SIPA1L1: variants seen among roughly 807,000 people sequenced by gnomAD.
SIPA1L1 encodes the protein signal-induced proliferation-associated 1-like protein 1.
A neutral mutation model predicts 162.7 loss-of-function variants in SIPA1L1; 26 were observed. The ratio of observed to expected loss-of-function variants is 0.16; its 90% CI spans 0.12 to 0.22. The LOEUF (loss-of-function observed/expected upper bound fraction) is 0.22. SIPA1L1 is among the 10% of genes least tolerant of loss of function. The probability of loss-of-function intolerance (pLI) is 1.00; values close to 1 mark genes in which losing one functional copy is unlikely to be tolerated. For synonymous variants in SIPA1L1, 829 were observed against 837.4 expected (o/e 0.99, Z 0.17); for missense variants, 1,874 against 2,241.0 (o/e 0.84, Z 3.31).
intron 2 of SIPA1L1, among the ~76,000 whole-genome samples, chr14:71,331,436 G>A (rs2034530298): frequency 6.6e-6 from 1 of 152,248 alleles, no homozygotes; most frequent in African/African-American, 2.4e-5. Context: ...AGAGAATGAG[G>A]TAAGATGATT....
intron 2 of SIPA1L1, among the ~76,000 whole-genome samples, chr14:71,375,781 C>T (rs935655757): frequency 6.6e-6 from 1 of 152,088 alleles, no homozygotes; most frequent in African/African-American, 2.4e-5. Context: ...TCATGAATGT[C>T]TATTGGATTT....
intron 8 of SIPA1L1, among the ~76,000 whole-genome samples, chr14:71,652,152 AG>A (rs2042675583): frequency 6.6e-6 from 1 of 152,192 alleles, no homozygotes; most frequent in African/African-American, 2.4e-5. Context: ...GCCCCAAAGA[AG>A]ACAGTACGCA....
At chr14:71,323,599 A>G (rs1018140235) in intron 2 of SIPA1L1, among the ~76,000 whole-genome samples, 41 of 152,336 alleles carry the variant, frequency 2.7e-4, no homozygotes, top group African/African-American at 8.9e-4. Context: ...ACTCATTCCC[A>G]TAATAAAGAA....
At chr14:71,546,686 A>G (rs2055242597) in intron 4 of SIPA1L1, among the ~76,000 whole-genome samples, 1 of 152,162 alleles carries the variant, frequency 6.6e-6, no homozygotes, top group Admixed American at 6.5e-5. Flanking sequence ...ATTCTTATTT[A>G]TCAAATATTT....
At chr14:71,420,155 A>G (rs933131647) in intron 2 of SIPA1L1, among the ~76,000 whole-genome samples, 5 of 152,252 alleles carry the variant, frequency 3.3e-5, no homozygotes, top group Non-Finnish European at 7.3e-5. Flanking sequence ...TCTATTATGT[A>G]GAGAACATTT....
At chr14:71,381,397 C>T (rs1341791989) in intron 2 of SIPA1L1, among the ~76,000 whole-genome samples, 1 of 152,008 alleles carries the variant, frequency 6.6e-6, no homozygotes, top group Non-Finnish European at 1.5e-5. Flanking sequence ...TCACCCCGCC[C>T]TTCATATTCG....
intron 4 of SIPA1L1, among the ~76,000 whole-genome samples, chr14:71,551,370 T>C (rs987958370): frequency 6.6e-6 from 1 of 152,238 alleles, no homozygotes; most frequent in Non-Finnish European, 1.5e-5. Context: ...TCCCTATTTA[T>C]AGTCCTTAAA....
chr14:71,507,213 A>G lies in SIPA1L1; in HGVS notation c.-464-5530A>G, dbSNP rs150766133. Among the ~76,000 whole-genome samples the G allele has an allele frequency of 5.4e-4, 83 of 152,312 alleles. No homozygotes were observed. In the East Asian group the frequency reaches 0.016, roughly 29 times the overall value. On this transcript the variant is annotated intron_variant, in intron 2 of 23. Coordinates refer to ENST00000381232, the MANE Select transcript of SIPA1L1 (RefSeq NM_001386936.1). ...CTTTATTAACTGATCATTTTTGTTA[A>G]TATGACAGCACAACGTACTCTCATA... is the stretch of plus-strand genomic sequence containing the variant.
chr14:71,544,184 T>C (rs754557866), intron 4 of SIPA1L1, among the ~76,000 whole-genome samples: 7 of 151,314 alleles, frequency 4.6e-5, no homozygotes, highest in African/African-American at 1.7e-4. Context: ...CACGTGTGTG[T>C]ATATATACAT....
chr14:71,410,789 T>G (rs1176585878), intron 2 of SIPA1L1, among the ~76,000 whole-genome samples: 1 of 152,138 alleles, frequency 6.6e-6, no homozygotes, highest in African/African-American at 2.4e-5. Flanking sequence ...AGGGAGAAGG[T>G]TCATTGTCAG....
Position 71,685,397 on chromosome 14 carries a change from A to T in SIPA1L1, c.3140A>T (p.Glu1047Val). 6.2e-7 allele frequency: 1 copy of T among 1,614,162 alleles called. No individual in the cohort carries two copies. The highest frequency in any genetic ancestry group is 1.1e-5 in the South Asian group (1 of 91,072). The change falls in exon 13 of 24, where the codon GAG becomes GTG. Residue 1047 changes from glutamate (E) to valine (V), a missense_variant. Coordinates refer to ENST00000381232, the MANE Select transcript of SIPA1L1 (RefSeq NM_001386936.1). ...GAAACCTACCGCATGCCAGTGATGG[A>T]GTACAAAATGAATGAAGGTGTTTCA... Reference protein sequence around the residue: ...CSETYRMPVMEYKMNEGVSYE... With the variant: ...CSETYRMPVMVYKMNEGVSYE...
chr14:71,327,638 T>C (rs1225226729), intron 2 of SIPA1L1, among the ~76,000 whole-genome samples: 2 of 152,226 alleles, frequency 1.3e-5, no homozygotes, highest in Admixed American at 6.5e-5. Flanking sequence ...TCAGTTTTTT[T>C]CCATATTCTT....
chr14:71,450,656 G>A (rs888822974), intron 2 of SIPA1L1, among the ~76,000 whole-genome samples: 5 of 152,114 alleles, frequency 3.3e-5, no homozygotes, highest in Non-Finnish European at 7.4e-5. Context: ...TTACCTGTTA[G>A]AACGGCTGTT....
intron 20 of SIPA1L1, among the ~76,000 whole-genome samples, chr14:71,732,606 G>A (rs2084902501): frequency 6.6e-6 from 1 of 152,172 alleles, no homozygotes; most frequent in Non-Finnish European, 1.5e-5. Context: ...TTGTTACAAT[G>A]GTTTAATATT....
intron 2 of SIPA1L1, among the ~76,000 whole-genome samples, chr14:71,388,812 C>T (rs1048641528): frequency 1.3e-5 from 2 of 152,202 alleles, no homozygotes; most frequent in Admixed American, 6.5e-5. Context: ...AATCAAAACC[C>T]TCCCTAGTGC....
At chr14:71,429,115 A>T (rs1204643674) in intron 2 of SIPA1L1, among the ~76,000 whole-genome samples, 1 of 152,120 alleles carries the variant, frequency 6.6e-6, no homozygotes, top group African/African-American at 2.4e-5. Flanking sequence ...AGTTGCTGAG[A>T]TATTATTTTT....
chr14:71,545,047 G>T (rs2055058024), intron 4 of SIPA1L1, among the ~76,000 whole-genome samples: 2 of 151,928 alleles, frequency 1.3e-5, no homozygotes, highest in Admixed American at 1.3e-4. Flanking sequence ...TTTTGTAGAG[G>T]TGCTATCTCA....
At position 71,489,237 on chromosome 14, in the gene SIPA1L1, A is replaced by G. The variant is rs192984310; in HGVS notation, c.-464-23506A>G. On this transcript the variant is annotated intron_variant, in intron 2 of 23. Transcript: ENST00000381232. ...TTGGGGCCTAGGGATCTGATAGGCT[A>G]TCTCTTATGATGCACATCGCTCTGT... Among the ~76,000 whole-genome samples, 63 of 152,306 alleles carry G rather than the reference A, an allele frequency of 4.1e-4. No individual in the cohort carries two copies. In the East Asian group the frequency reaches 8.7e-3, roughly 21 times the overall value.
chr14:71,408,654 T>C (rs2042193167), intron 2 of SIPA1L1, among the ~76,000 whole-genome samples: 1 of 152,202 alleles, frequency 6.6e-6, no homozygotes, highest in African/African-American at 2.4e-5. Context: ...GAAGATTTTT[T>C]TCCCCCCTGG....
Sources: allele counts gnomAD v4.1 joint callset (sites outside exome capture counted in the v4.1 genomes callset), GRCh38; gene constraint gnomAD v4.1.1; transcripts MANE v1.5; gene names NCBI Gene and HGNC (gene_info 2026-07-23, HGNC 2026-07-21).